The following WLS variants were observed in gnomAD, a reference collection of about 807,000 sequenced individuals.
WLS encodes protein wntless homolog.
Under a neutral mutation model 62.8 loss-of-function variants are expected in WLS, and 23 were observed. The observed-to-expected ratio is 0.37, with a 90% CI of 0.26 to 0.52. The LOEUF (loss-of-function observed/expected upper bound fraction) is 0.52, where lower values mean the gene tolerates loss of function less well. WLS is among the 20% of genes least tolerant of loss of function. The pLI, the probability that WLS is intolerant of heterozygous loss-of-function variation, is 0.92. For synonymous variants in WLS, 246 were observed against 244.1 expected (o/e 1.01, Z -0.07); for missense variants, 615 against 697.3 (o/e 0.88, Z 1.33).
At chr1:68,202,454 G>T (rs758353910) in intron 1 of WLS, 1 of 152,120 alleles carries the variant, frequency 6.6e-6, no homozygotes, top group Non-Finnish European at 1.5e-5. Flanking sequence ...AAAGACTGAT[G>T]GAAGTATATC....
At chr1:68,121,608 G>T (rs1425023376), downstream of WLS, among the ~76,000 whole-genome samples, 1 of 152,198 alleles carries the variant, frequency 6.6e-6, no homozygotes, top group Non-Finnish European at 1.5e-5. Flanking sequence ...GCAGAAGTCA[G>T]ATGGTTCCCG....
intron 2 of WLS, among the ~76,000 whole-genome samples, chr1:68,161,429 A>C (rs1474363480): frequency 6.6e-6 from 1 of 152,116 alleles, no homozygotes; most frequent in South Asian, 2.1e-4. Context: ...ATTGTAGAGC[A>C]GGGTGTTCAG....
intron 1 of WLS, chr1:68,231,454 T>G (rs1041742857): frequency 8.4e-6 from 2 of 239,082 alleles, no homozygotes; most frequent in African/African-American, 4.6e-5. Flanking sequence ...TATTCACGAG[T>G]GGGCAGGAGG....
At chr1:68,214,182 A>AACACACACAC (rs71581159) in intron 1 of WLS, among the ~76,000 whole-genome samples, 2,286 of 146,568 alleles carry the variant, frequency 0.016, 18 homozygotes, top group Middle Eastern at 0.049. Context: ...GTGATCTCTG[A>AACACACACAC]ACACACACAC....
In WLS at chr1:68,125,535, T is replaced by C; in HGVS notation, c.*691A>G. ...CCCGAAGGCCATTTAATACAGTAAA[T>C]CTTACTTGGGTAGTTTAGCAAACAT... On this transcript the variant is annotated 3_prime_UTR_variant, in exon 12 of 12. Coordinates refer to ENST00000262348, the MANE Select transcript of WLS (RefSeq NM_024911.7). 1.0e-6 allele frequency: 1 copy of C among 985,430 alleles called. No individual in the cohort carries two copies. The highest frequency in any genetic ancestry group is 1.2e-6 in the Non-Finnish European group (1 of 829,916). 61.0% of individuals were successfully genotyped at this position (985,430 alleles called of 1,614,324 possible).
At chr1:68,149,977 A>G (rs957901918) in intron 6 of WLS, among the ~76,000 whole-genome samples, 13 of 152,212 alleles carry the variant, frequency 8.5e-5, no homozygotes, top group Admixed American at 6.5e-4. Context: ...ATTCAGAGTG[A>G]TAATGTCATT....
Position 68,193,398 on chromosome 1 carries a change from T to TAAAAAAAAAAAAAAAAA in WLS, c.379+540_379+556dup, listed in dbSNP as rs904327955. Among the ~76,000 whole-genome samples, 9 of 15,440 alleles carry TAAAAAAAAAAAAAAAAA rather than the reference T, an allele frequency of 5.8e-4. 1 individual carries two copies. Among genetic ancestry groups the TAAAAAAAAAAAAAAAAA allele is most frequent in the African/African-American group, 1.3e-3 (9 of 6,700 alleles). The allele number at this position is 15,440 out of a possible 152,430, so 10.1% of individuals were successfully genotyped here. On this transcript the variant is annotated intron_variant, in intron 2 of 11. Transcript: ENST00000262348. Reference sequence around the variant, plus strand: ...TCAGAGTTTTTAACTGCAAATAAGCTAAAAAAAAAAAAAAAAAAAAAAAAA... The same window carrying TAAAAAAAAAAAAAAAAA: ...TCAGAGTTTTTAACTGCAAATAAGCTAAAAAAAAAAAAAAAAAAAAAAAAAAAAAAAAAAAAAAAAAA...
intron 2 of WLS, among the ~76,000 whole-genome samples, chr1:68,170,780 T>C (rs1647141846): frequency 6.6e-6 from 1 of 152,036 alleles, no homozygotes; most frequent in Non-Finnish European, 1.5e-5. Context: ...TTCTCCATGT[T>C]GCTTCTCCTG....
chr1:68,098,913 T>G (rs1646042324), intron 11 of WLS: 2 of 1,117,346 alleles, frequency 1.8e-6, no homozygotes, highest in South Asian at 4.1e-5. Context: ...TCCTTCATTG[T>G]GGGACATTTG....
At chr1:68,161,719 A>T (rs1646976535) in intron 2 of WLS, 1 of 1,438,284 alleles carries the variant, frequency 7.0e-7, no homozygotes, top group African/African-American at 1.4e-5. Flanking sequence ...CTTGGTCCCA[A>T]ATGTATCTGA....
chr1:68,113,186 G>A (rs913009025), intron 11 of WLS, among the ~76,000 whole-genome samples: 1 of 152,196 alleles, frequency 6.6e-6, no homozygotes, highest in African/African-American at 2.4e-5. Context: ...AACCTCGCAT[G>A]TCCGTAAAAA....
chr1:68,128,438 CTGTG>C (rs1646467470), intron 11 of WLS, among the ~76,000 whole-genome samples: 1 of 152,188 alleles, frequency 6.6e-6, no homozygotes, highest in Admixed American at 6.5e-5. Flanking sequence ...ATCTGCATGT[CTGTG>C]TGAGTCATCA....
chr1:68,119,477 A>G (rs1646338316), intron 11 of WLS, among the ~76,000 whole-genome samples: 1 of 152,250 alleles, frequency 6.6e-6, no homozygotes, highest in Non-Finnish European at 1.5e-5. Context: ...ATATTCCTCA[A>G]GCTGGCCCTA....
At chr1:68,205,788 C>T (rs146107863) in intron 1 of WLS, among the ~76,000 whole-genome samples, 1 of 152,312 alleles carries the variant, frequency 6.6e-6, no homozygotes, top group East Asian at 1.9e-4. Context: ...ATCAAAACTA[C>T]AAAACAGGCT....
At position 68,162,526 on chromosome 1, in the gene WLS, T is replaced by C. The variant is rs796495355; in HGVS notation, c.380-3279A>G. The C allele has an allele frequency of 3.1e-6, 5 of 1,611,510 alleles. No individual in the cohort carries two copies. In the East Asian group the frequency reaches 1.1e-4, roughly 36 times the overall value. On this transcript the variant is annotated intron_variant, in intron 2 of 11. Transcript: ENST00000262348. ...AACTGCAACCGCCTACCCCCTGCGA[T>C]CAAAGCCGATGAGGCCCAGCATTTC...
intron 1 of WLS, among the ~76,000 whole-genome samples, chr1:68,197,597 C>G (rs1214471831): frequency 6.6e-6 from 1 of 152,094 alleles, no homozygotes; most frequent in East Asian, 1.9e-4. Context: ...AATGTTCCCC[C>G]AATAATATAT....
At chr1:68,220,945 C>T (rs893314260) in intron 1 of WLS, among the ~76,000 whole-genome samples, 2 of 152,086 alleles carry the variant, frequency 1.3e-5, no homozygotes, top group Non-Finnish European at 2.9e-5. Flanking sequence ...TACTGCTCAT[C>T]GATCTCCTAA....
intron 2 of WLS, among the ~76,000 whole-genome samples, chr1:68,171,913 C>A (rs1647159711): frequency 6.6e-6 from 1 of 152,152 alleles, no homozygotes; most frequent in Non-Finnish European, 1.5e-5. Context: ...GGAACCAACT[C>A]AAATGCCCAG....
intron 2 of WLS, among the ~76,000 whole-genome samples, chr1:68,189,491 T>C (rs1026770797): frequency 6.6e-6 from 1 of 152,156 alleles, no homozygotes; most frequent in African/African-American, 2.4e-5. Flanking sequence ...TGTATATATG[T>C]ATAGGAAGAC....
Sources: allele counts gnomAD v4.1 joint callset (sites outside exome capture counted in the v4.1 genomes callset), GRCh38; gene constraint gnomAD v4.1.1; transcripts MANE v1.5; gene names NCBI Gene and HGNC (gene_info 2026-07-23, HGNC 2026-07-21).